DGKI: variants seen among roughly 807,000 people sequenced by gnomAD.
DGKI encodes the protein diacylglycerol kinase iota.
In DGKI, 55 loss-of-function variants were observed where a neutral mutation model predicts 147.5. The ratio of observed to expected loss-of-function variants is 0.37; its 90% confidence interval spans 0.30 to 0.47. The LOEUF (loss-of-function observed/expected upper bound fraction) is 0.47. Ranked by LOEUF, DGKI falls within the 20% of genes least tolerant of loss-of-function variation. The pLI is 1.00. For synonymous variants in DGKI, 469 were observed against 477.1 expected (o/e 0.98, Z 0.22); for missense variants, 1,007 against 1,323.8 (o/e 0.76, Z 3.71).
chr7:137,460,752 TACAAA>T (rs1814407223), intron 27 of DGKI, among the ~76,000 whole-genome samples: 1 of 152,158 alleles, frequency 6.6e-6, no homozygotes. Context: ...ACTTGTACAA[TACAAA>T]ACAAAACCAT....
chr7:137,463,321 G>C (rs34826389), intron 27 of DGKI, among the ~76,000 whole-genome samples, 168 bp downstream of exon 27: 7,216 of 152,242 alleles, frequency 0.047, 204 homozygotes, highest in Middle Eastern at 0.11. Context: ...GTTTGGGGTA[G>C]ATAAATATGA....
chr7:137,594,130 TC>T (rs1452906654), intron 12 of DGKI, among the ~76,000 whole-genome samples: 11 of 152,336 alleles, frequency 7.2e-5, no homozygotes, highest in African/African-American at 2.4e-4. Context: ...CACTGCCACC[TC>T]CACCTTCTGG....
At chr7:137,468,354 C>T (rs1814744208) in intron 24 of DGKI, among the ~76,000 whole-genome samples, 1 of 152,266 alleles carries the variant, frequency 6.6e-6, no homozygotes, top group East Asian at 1.9e-4. Context: ...GACTGTCAGC[C>T]ACAATATTTG....
At chr7:137,430,236 A>G (rs1221557343) in intron 28 of DGKI, among the ~76,000 whole-genome samples, 5 of 151,726 alleles carry the variant, frequency 3.3e-5, no homozygotes, top group Admixed American at 6.6e-5. Context: ...AAAAAATGAT[A>G]AGTTCATGTC....
chr7:137,636,316 G>A (rs987762410), intron 6 of DGKI, among the ~76,000 whole-genome samples: 1 of 152,162 alleles, frequency 6.6e-6, no homozygotes, highest in Non-Finnish European at 1.5e-5. Context: ...GAGAGATGAT[G>A]AATATCAGTA....
At chr7:137,496,609 C>A (rs1221225641) in intron 21 of DGKI, among the ~76,000 whole-genome samples, 1 of 150,066 alleles carries the variant, frequency 6.7e-6, no homozygotes, top group Non-Finnish European at 1.5e-5. Flanking sequence ...CAGACACAGA[C>A]AAATCAAACA....
intron 23 of DGKI, among the ~76,000 whole-genome samples, chr7:137,476,120 A>G (rs914314862): frequency 1.3e-5 from 2 of 152,160 alleles, no homozygotes; most frequent in African/African-American, 2.4e-5. Context: ...ACCCCGTTAC[A>G]TAGAGGCCAG....
intron 1 of DGKI, among the ~76,000 whole-genome samples, chr7:137,728,715 A>G (rs1794785773): frequency 6.6e-6 from 1 of 152,070 alleles, no homozygotes; most frequent in Non-Finnish European, 1.5e-5. Flanking sequence ...TTTTCCCCCC[A>G]TGGTTTCCCA....
chr7:137,456,125 A>T (rs1274094232), intron 27 of DGKI, among the ~76,000 whole-genome samples: 2 of 152,118 alleles, frequency 1.3e-5, no homozygotes, highest in Non-Finnish European at 2.9e-5. Context: ...AACAGTGCCT[A>T]CAACTTCCTA....
chr7:137,734,685 G>A (rs1035225158), intron 1 of DGKI, among the ~76,000 whole-genome samples: 10 of 151,934 alleles, frequency 6.6e-5, no homozygotes, highest in Admixed American at 2.0e-4. Flanking sequence ...CAGAGACCCT[G>A]AGCTCAGCTA....
chr7:137,647,181 T>C (rs1004896622), intron 5 of DGKI, among the ~76,000 whole-genome samples: 1 of 152,214 alleles, frequency 6.6e-6, no homozygotes, highest in Non-Finnish European at 1.5e-5. Flanking sequence ...GTAATAATTC[T>C]TCTAATCTTC....
At chr7:137,777,255 T>G (rs912858175) in intron 1 of DGKI, among the ~76,000 whole-genome samples, 12 of 152,050 alleles carry the variant, frequency 7.9e-5, no homozygotes, top group Non-Finnish European at 1.3e-4. Flanking sequence ...TAATATGGAA[T>G]TCTATGGCAT....
At chr7:137,666,020 T>C (rs1822627658) in intron 3 of DGKI, among the ~76,000 whole-genome samples, 1 of 152,208 alleles carries the variant, frequency 6.6e-6, no homozygotes, top group African/African-American at 2.4e-5. Context: ...CAAAGAATGA[T>C]ACATCCATCG....
At chr7:137,697,924 AT>A (rs1446221239) in intron 1 of DGKI, among the ~76,000 whole-genome samples, 1 of 151,776 alleles carries the variant, frequency 6.6e-6, no homozygotes, top group Non-Finnish European at 1.5e-5. Flanking sequence ...ATATATCTAT[AT>A]CTATATGTAT....
intron 1 of DGKI, among the ~76,000 whole-genome samples, chr7:137,731,142 T>C (rs1022464580): frequency 6.6e-6 from 1 of 152,082 alleles, no homozygotes; most frequent in African/African-American, 2.4e-5. Context: ...CCAAACTTGC[T>C]TGGCTTGTCT....
chr7:137,452,128 C>T (rs1482881955), intron 27 of DGKI, among the ~76,000 whole-genome samples: 3 of 152,356 alleles, frequency 2.0e-5, no homozygotes, highest in South Asian at 2.1e-4. Flanking sequence ...ACCTTCTACT[C>T]AGCACTGCTA....
rs1465210849 is a variant in DGKI, at chr7:137,384,856, T to C, written c.*6364A>G. ...AAAGCCTCCCATTTCAGAAGGCATT[T>C]GGCTCAAAATATTGAAATTTCAAAA... On this transcript the variant is annotated 3_prime_UTR_variant, in exon 33 of 33. Coordinates refer to ENST00000614521, the MANE Select transcript of DGKI (RefSeq NM_001321708.2). 6.6e-6 allele frequency: 1 copy of C among 152,160 alleles called. No individual in the cohort carries two copies. The highest frequency in any genetic ancestry group is 2.4e-5 in the African/African-American group (1 of 41,450). The allele number at this position is 152,160 out of a possible 1,614,324, so 9.4% of individuals were successfully genotyped here. A position where few individuals can be genotyped will look rare whatever the true frequency, so the allele number is the denominator to read the frequency against.
At chr7:137,497,891 C>A (rs1239064853) in intron 21 of DGKI, among the ~76,000 whole-genome samples, 1 of 151,856 alleles carries the variant, frequency 6.6e-6, no homozygotes. Context: ...ATAATCTGCA[C>A]ACTAAACACC....
intron 8 of DGKI, among the ~76,000 whole-genome samples, chr7:137,618,847 A>T (rs185876010): frequency 6.6e-6 from 1 of 152,298 alleles, no homozygotes; most frequent in African/African-American, 2.4e-5. Flanking sequence ...CTGGAAAAAA[A>T]TATCCCAAGG....
Sources: gnomAD v4.1 joint callset for allele counts (sites outside exome capture counted in the v4.1 genomes callset) on GRCh38, gnomAD v4.1.1 for gene constraint, MANE v1.5 for transcripts, NCBI Gene and HGNC (gene_info 2026-07-23, HGNC 2026-07-21) for gene names.